AIG1: variants seen among roughly 807,000 people sequenced by gnomAD.
AIG1 encodes androgen-induced gene 1 protein.
AIG1 carries 23 observed loss-of-function variants against 31.4 expected under a neutral mutation model. The ratio of observed to expected loss-of-function variants is 0.73; its 90% CI spans 0.53 to 1.04. The LOEUF (loss-of-function observed/expected upper bound fraction) is 1.04, where lower values mean the gene tolerates loss of function less well. Ranked by LOEUF, AIG1 falls within the 50% of genes least tolerant of loss-of-function variation. AIG1 has a pLI of 0.00. For missense variants in AIG1, 274 were observed against 295.0 expected, an observed-to-expected ratio of 0.93 and a Z score of 0.52; for synonymous variants, 100 against 110.5, an observed-to-expected ratio of 0.90 and a Z score of 0.60.
At chr6:143,215,586 T>C (rs1314247220) in intron 3 of AIG1, among the ~76,000 whole-genome samples, 7 of 152,174 alleles carry the variant, frequency 4.6e-5, no homozygotes, top group Admixed American at 3.3e-4. Flanking sequence ...CCTTCACCAG[T>C]GTCTACTTTT....
intron 4 of AIG1, among the ~76,000 whole-genome samples, chr6:143,319,050 T>C (rs1775990524): frequency 6.6e-6 from 1 of 152,132 alleles, no homozygotes; most frequent in Non-Finnish European, 1.5e-5. Context: ...GTACAACCAC[T>C]ATGGAAAACA....
intron 3 of AIG1, chr6:143,187,882 A>G: frequency 7.2e-7 from 1 of 1,389,360 alleles, no homozygotes; most frequent in Non-Finnish European, 9.3e-7. Flanking sequence ...CATTGTCAAA[A>G]ATTACCCCTT....
At chr6:143,113,210 A>T (rs1383719174) in intron 1 of AIG1, among the ~76,000 whole-genome samples, 1 of 152,058 alleles carries the variant, frequency 6.6e-6, no homozygotes, top group East Asian at 1.9e-4. Flanking sequence ...CAAAAAAGAA[A>T]AAAAAAAAGA....
chr6:143,214,100 A>G (rs879269033), intron 3 of AIG1, among the ~76,000 whole-genome samples: 4 of 152,206 alleles, frequency 2.6e-5, no homozygotes, highest in Non-Finnish European at 5.9e-5. Flanking sequence ...CTAGTAAAAT[A>G]CTCTTGATAA....
intron 1 of AIG1, among the ~76,000 whole-genome samples, chr6:143,102,286 C>T (rs1780358347): frequency 6.6e-6 from 1 of 151,082 alleles, no homozygotes; most frequent in South Asian, 2.1e-4. Context: ...CATGTTTTCT[C>T]ACAATTAAGT....
At chr6:143,248,467 C>T (rs1297939443) in intron 3 of AIG1, among the ~76,000 whole-genome samples, 2 of 152,180 alleles carry the variant, frequency 1.3e-5, no homozygotes, top group Admixed American at 6.5e-5. Flanking sequence ...CTCAGTTGCT[C>T]ATCAGGGCTC....
chr6:143,128,607 A>T (rs1448605595), intron 1 of AIG1, among the ~76,000 whole-genome samples: 4 of 152,224 alleles, frequency 2.6e-5, no homozygotes, highest in Non-Finnish European at 5.9e-5. Context: ...GTCGAATAAT[A>T]CTTCAAGGTA....
intron 1 of AIG1, among the ~76,000 whole-genome samples, chr6:143,113,061 G>A (rs754038904): frequency 7.2e-5 from 11 of 152,064 alleles, no homozygotes; most frequent in South Asian, 2.1e-4. Context: ...GGTGGCTCAC[G>A]TCTGAGATCC....
In AIG1 at chr6:143,174,478, C is replaced by A. The variant is rs550487411; in HGVS notation, c.399+9295C>A. Reference sequence around the variant, plus strand: ...CTCCAGCCTGGGTGACAGAGTGAGACTCCGTCTCAAAAAAAAAAAAAAAAA... The same window carrying A: ...CTCCAGCCTGGGTGACAGAGTGAGAATCCGTCTCAAAAAAAAAAAAAAAAA... On this transcript the variant is annotated intron_variant, in intron 3 of 5. Transcript: ENST00000357847. Among the ~76,000 whole-genome samples the A allele has an allele frequency of 6.0e-5, 8 of 134,072 alleles. No individual in the cohort carries two copies. In the South Asian group the frequency reaches 8.1e-4, roughly 14 times the overall value. 88.0% of individuals were successfully genotyped at this position (134,072 alleles called of 152,430 possible). A position where few individuals can be genotyped will look rare whatever the true frequency, so the allele number is the denominator to read the frequency against.
At chr6:143,095,946 C>T (rs1029096717) in intron 1 of AIG1, among the ~76,000 whole-genome samples, 7 of 120,564 alleles carry the variant, frequency 5.8e-5, no homozygotes, top group African/African-American at 9.6e-5. Flanking sequence ...CTCACTCTGT[C>T]ACCAGGCTGG....
intron 4 of AIG1, among the ~76,000 whole-genome samples, chr6:143,287,136 A>G (rs543159971): frequency 6.6e-6 from 1 of 151,146 alleles, no homozygotes; most frequent in African/African-American, 2.4e-5. Flanking sequence ...CAACCCTCCC[A>G]CACACACATT....
At chr6:143,278,738 G>T (rs1163807267) in intron 3 of AIG1, among the ~76,000 whole-genome samples, 1 of 151,842 alleles carries the variant, frequency 6.6e-6, no homozygotes, top group African/African-American at 2.4e-5. Flanking sequence ...CAAAGTGCTG[G>T]GATTACAGGC....
At chr6:143,161,344 G>GA (rs764327294) in intron 2 of AIG1, among the ~76,000 whole-genome samples, 133 of 152,044 alleles carry the variant, frequency 8.7e-4, no homozygotes, top group Non-Finnish European at 5.1e-4. Flanking sequence ...AAACCCTTCA[G>GA]AAAATAGAGA....
At chr6:143,142,001 T>C (rs1784282295) in intron 2 of AIG1, among the ~76,000 whole-genome samples, 2 of 152,074 alleles carry the variant, frequency 1.3e-5, no homozygotes, top group African/African-American at 2.4e-5. Context: ...ATCTTAAATG[T>C]GTCTCCAACT....
intron 3 of AIG1, among the ~76,000 whole-genome samples, chr6:143,218,694 G>A (rs1792226577): frequency 6.6e-6 from 1 of 152,074 alleles, no homozygotes; most frequent in Non-Finnish European, 1.5e-5. Context: ...TTAAAAATGG[G>A]CGTCACAGCA....
At chr6:143,314,355 A>C (rs1442693430) in intron 4 of AIG1, among the ~76,000 whole-genome samples, 1 of 151,916 alleles carries the variant, frequency 6.6e-6, no homozygotes, top group African/African-American at 2.4e-5. Flanking sequence ...TCCTGTAAGA[A>C]AGAGAGAAAG....
At chr6:143,243,329 G>A (rs977562062) in intron 3 of AIG1, among the ~76,000 whole-genome samples, 1 of 152,142 alleles carries the variant, frequency 6.6e-6, no homozygotes, top group African/African-American at 2.4e-5. Flanking sequence ...ATTCTAGAAT[G>A]CATCATCAGG....
At chr6:143,199,109 C>T (rs1790492697) in intron 3 of AIG1, among the ~76,000 whole-genome samples, 1 of 152,156 alleles carries the variant, frequency 6.6e-6, no homozygotes, top group African/African-American at 2.4e-5. Context: ...CAGTTCGTTT[C>T]TTGCATTAAA....
At chr6:143,318,220 A>G (rs1775923039) in intron 4 of AIG1, among the ~76,000 whole-genome samples, 1 of 152,088 alleles carries the variant, frequency 6.6e-6, no homozygotes, top group Non-Finnish European at 1.5e-5. Context: ...TCACATTACC[A>G]GACTTCAAAC....
Sources: allele counts gnomAD v4.1 joint callset (sites outside exome capture counted in the v4.1 genomes callset), GRCh38; gene constraint gnomAD v4.1.1; transcripts MANE v1.5; gene names NCBI Gene and HGNC (gene_info 2026-07-23, HGNC 2026-07-21).